ZNRF1: variants seen among roughly 807,000 people sequenced by gnomAD.
ZNRF1 encodes E3 ubiquitin-protein ligase ZNRF1.
A neutral mutation model predicts 18.4 loss-of-function variants in ZNRF1; 3 were observed. That is an observed-to-expected ratio of 0.16 (90% confidence interval 0.07 to 0.42). ZNRF1 has a LOEUF of 0.42. Among genes scored for constraint, ZNRF1 ranks in the 10% least tolerant of loss-of-function variants. The probability of loss-of-function intolerance (pLI) is 0.99; values close to 1 mark genes in which losing one functional copy is unlikely to be tolerated. For missense variants in ZNRF1, 310 were observed against 329.8 expected, an observed-to-expected ratio of 0.94 and a Z score of 0.47; for synonymous variants, 157 against 144.2, an observed-to-expected ratio of 1.09 and a Z score of -0.64.
chr16:75,016,353 C>T (rs1459256511), intron 1 of ZNRF1, among the ~76,000 whole-genome samples: 1 of 151,748 alleles, frequency 6.6e-6, no homozygotes, highest in East Asian at 1.9e-4. Context: ...ATTCTCCCAC[C>T]TCAGCCTCCC....
At chr16:75,046,620 G>C (rs1000276605) in intron 1 of ZNRF1, 1 of 151,932 alleles carries the variant, frequency 6.6e-6, no homozygotes, top group East Asian at 1.9e-4. Flanking sequence ...CTGTCGCCCA[G>C]GCTGGAGCAC....
At chr16:75,076,665 A>G (rs959310768) in intron 1 of ZNRF1, among the ~76,000 whole-genome samples, 1 of 146,790 alleles carries the variant, frequency 6.8e-6, no homozygotes, top group Non-Finnish European at 1.5e-5. Flanking sequence ...AGAGGATGCC[A>G]TGTGCTACGG....
At chr16:75,016,243 A>AT (rs1197502562) in intron 1 of ZNRF1, among the ~76,000 whole-genome samples, 1 of 142,158 alleles carries the variant, frequency 7.0e-6, no homozygotes, top group Non-Finnish European at 1.5e-5. Context: ...TTTTATTTTT[A>AT]TTTTTTTATT....
chr16:75,052,571 C>T (rs1597882562), intron 1 of ZNRF1, among the ~76,000 whole-genome samples: 1 of 152,100 alleles, frequency 6.6e-6, no homozygotes, highest in East Asian at 1.9e-4. Flanking sequence ...AAGTCCTCCT[C>T]CAGGTCAGCA....
At chr16:75,061,893 T>C (rs557404171) in intron 1 of ZNRF1, among the ~76,000 whole-genome samples, 1 of 152,338 alleles carries the variant, frequency 6.6e-6, no homozygotes, top group Admixed American at 6.5e-5. Flanking sequence ...TTACTGACAA[T>C]TGGCCCAAGT....
At chr16:75,090,699 G>A (rs999634856) in intron 1 of ZNRF1, among the ~76,000 whole-genome samples, 3 of 152,124 alleles carry the variant, frequency 2.0e-5, no homozygotes, top group Admixed American at 6.5e-5. Context: ...GTGCCATGGA[G>A]TCAACTGTCC....
At chr16:75,095,513 C>G in intron 2 of ZNRF1, 1 of 1,343,650 alleles carries the variant, frequency 7.4e-7, no homozygotes, top group South Asian at 1.9e-5. Context: ...TCACTTCTTT[C>G]CCACATGTGT....
chr16:75,073,142 C>CTG (rs1288334274), intron 1 of ZNRF1, among the ~76,000 whole-genome samples: 2,241 of 142,012 alleles, frequency 0.016, 46 homozygotes, highest in African/African-American at 0.048. Context: ...CTCTCTCTCT[C>CTG]TCTCTCTCTC....
In ZNRF1 at chr16:75,062,295, C is replaced by T. The variant is rs372075401; in HGVS notation, c.425-31277C>T. Among the ~76,000 whole-genome samples the T allele has an allele frequency of 1.2e-4, 19 of 152,354 alleles. 2 individuals carry two copies. The highest frequency in any genetic ancestry group is 1.2e-3 in the South Asian group (6 of 4,832). The stretch of plus-strand genomic sequence containing the variant: ...GGAGCACAGCCCCGGGAGACGAAGG[C>T]AGCAGAGGCCCGTGACCATCAAGCA... On this transcript the variant is annotated intron_variant, in intron 1 of 4. Transcript: ENST00000335325.
rs1487757595 is a variant in ZNRF1 at position 74,999,373 on chromosome 16, CG to C, written c.-294del. On this transcript the variant is annotated 5_prime_UTR_variant, in exon 1 of 5. Coordinates refer to ENST00000335325, the MANE Select transcript of ZNRF1 (RefSeq NM_032268.5). ...TGCGGCTCCCCCGGCTTTCGGAGCC[CG>C]GGGGCGGCCTGTGGCGCGCGGAGCC... is the stretch of plus-strand genomic sequence containing the variant. 10 of 229,626 alleles carry C rather than the reference CG, an allele frequency of 4.4e-5. No individual in the cohort carries two copies. Among genetic ancestry groups the C allele is most frequent in the East Asian group, 7.9e-5 (1 of 12,614 alleles). The allele number at this position is 229,626 out of a possible 1,614,324, so 14.2% of individuals were successfully genotyped here. A position where few individuals can be genotyped will look rare whatever the true frequency, so the allele number is the denominator to read the frequency against.
At chr16:75,081,219 A>G (rs1284982693) in intron 1 of ZNRF1, among the ~76,000 whole-genome samples, 1 of 152,164 alleles carries the variant, frequency 6.6e-6, no homozygotes, top group African/African-American at 2.4e-5. Flanking sequence ...AAAACAGTCT[A>G]TATCCAGGGA....
At chr16:75,080,355 T>C (rs1278935803) in intron 1 of ZNRF1, among the ~76,000 whole-genome samples, 2 of 152,228 alleles carry the variant, frequency 1.3e-5, no homozygotes, top group African/African-American at 2.4e-5. Context: ...ATGTAAGTTA[T>C]ACAGTGCAAG....
intron 1 of ZNRF1, among the ~76,000 whole-genome samples, chr16:75,011,198 C>T (rs1335989979): frequency 6.6e-6 from 1 of 152,160 alleles, no homozygotes; most frequent in Non-Finnish European, 1.5e-5. Flanking sequence ...ATTCTTTTAT[C>T]CTGCTGCCTG....
intron 1 of ZNRF1, among the ~76,000 whole-genome samples, chr16:75,045,211 C>T (rs2035500113): frequency 3.9e-5 from 6 of 152,100 alleles, no homozygotes; most frequent in Admixed American, 3.9e-4. Flanking sequence ...AACTATGTTC[C>T]CCATGCCAGG....
chr16:75,097,268 G>A (rs941659640), intron 2 of ZNRF1, among the ~76,000 whole-genome samples: 1 of 152,122 alleles, frequency 6.6e-6, no homozygotes, highest in Non-Finnish European at 1.5e-5. Context: ...TGCTCTGAAC[G>A]GAAGAGCATT....
intron 1 of ZNRF1, among the ~76,000 whole-genome samples, chr16:75,069,399 C>T (rs2035842794): frequency 6.6e-6 from 1 of 152,146 alleles, no homozygotes; most frequent in African/African-American, 2.4e-5. Flanking sequence ...GTACATTCTC[C>T]TGGAGTGGGC....
At chr16:75,057,856 G>A (rs144092837) in intron 1 of ZNRF1, among the ~76,000 whole-genome samples, 6 of 152,244 alleles carry the variant, frequency 3.9e-5, no homozygotes, top group African/African-American at 1.2e-4. Context: ...GGCCAGGTTG[G>A]TCGTGAACTC....
At chr16:75,106,195 C>T in intron 3 of ZNRF1, 1 of 413,498 alleles carries the variant, frequency 2.4e-6, no homozygotes, top group Non-Finnish European at 4.5e-6. Flanking sequence ...CTGGGCTCTG[C>T]ACAGAAAGCT....
intron 1 of ZNRF1, among the ~76,000 whole-genome samples, chr16:75,034,136 G>A (rs1430127206): frequency 6.6e-6 from 1 of 152,252 alleles, no homozygotes; most frequent in East Asian, 1.9e-4. Flanking sequence ...CCAGCCTCGC[G>A]ACAGAGCGAG....
Sources: allele counts gnomAD v4.1 joint callset (sites outside exome capture counted in the v4.1 genomes callset), GRCh38; gene constraint gnomAD v4.1.1; transcripts MANE v1.5; gene names NCBI Gene and HGNC (gene_info 2026-07-23, HGNC 2026-07-21).